MTDH: variants seen among roughly 807,000 people sequenced by gnomAD.
The protein encoded by MTDH is metadherin.
Under a neutral mutation model 72.7 loss-of-function variants are expected in MTDH, and 34 were observed. The observed-to-expected ratio is 0.47, with a 90% CI of 0.36 to 0.62. MTDH has a LOEUF of 0.62. Among genes scored for constraint, MTDH ranks in the 20% least tolerant of loss-of-function variants. The pLI is 0.00. For missense variants in MTDH, 677 were observed against 699.4 expected (o/e 0.97, Z 0.36); for synonymous variants, 266 against 268.9 (o/e 0.99, Z 0.10).
At chr8:97,687,337 T>G in intron 3 of MTDH, 92 bp from the exon 4 acceptor site, 1 of 1,044,586 alleles carries the variant, frequency 9.6e-7, no homozygotes, top group Non-Finnish European at 1.3e-6. Flanking sequence ...TATCATGATA[T>G]TTTATGTGCT....
In MTDH at chr8:97,699,826, A is replaced by G. The variant is rs769510037; in HGVS notation, c.1121A>G (p.Tyr374Cys). The G allele has an allele frequency of 5.0e-6, 8 of 1,612,170 alleles. No homozygotes were observed. The highest frequency in any genetic ancestry group is 1.1e-5 in the South Asian group (1 of 91,012). Residue 374 changes from tyrosine (Y) to cysteine (C), a missense_variant, in exon 7 of 12, where the codon TAT (tyrosine) becomes TGT (cysteine). Physicochemically the swap from Tyr to Cys is radical, Grantham distance 194 (BLOSUM62 -2). Around this residue, in one of 3 missense-constraint regions of MTDH, gnomAD observed 467 missense variants for 469.1 expected, o/e 1.00. Coordinates refer to ENST00000336273, the MANE Select transcript of MTDH (RefSeq NM_178812.4). ...YQWDVSRNQP[Y>C]IDDEWSGLNG... is the part of the protein sequence containing the mutation. ...TGGGATGTTAGCCGTAATCAACCCTATATCGATGATGAATGGTCTGGGTTA... is the reference window on the plus strand; with the variant it reads ...TGGGATGTTAGCCGTAATCAACCCTGTATCGATGATGAATGGTCTGGGTTA...
At chr8:97,713,829 T>G (rs1814734623) in intron 9 of MTDH, 60 bp downstream of exon 9, 4 of 934,946 alleles carry the variant, frequency 4.3e-6, no homozygotes, top group Middle Eastern at 4.6e-4. Context: ...GTGAAAAGAT[T>G]ATGTACAGAT....
rs1815284862 is a variant in MTDH at position 97,724,622 on chromosome 8, A to G, written c.1701A>G (p.Glu567=). Residue 567 remains glutamate, a synonymous_variant, in exon 12 of 12, where the codon GAA becomes GAG. Transcript: ENST00000336273. ...PSQTKSETSW[E]SPKQIKKKKK... is the part of the protein sequence containing the mutation. ...TAGCCAAGTCTGAAACTAGCTGGGA[A>G]TCTCCCAAACAAATAAAAAAGAAGA... 6.3e-7 allele frequency: 1 copy of G among 1,591,648 alleles called. No individual in the cohort carries two copies. Among genetic ancestry groups the G allele is most frequent in the Non-Finnish European group, 8.5e-7 (1 of 1,175,026 alleles).
chr8:97,696,181 A>T, intron 6 of MTDH: 1 of 928,370 alleles, frequency 1.1e-6, no homozygotes, highest in Non-Finnish European at 1.3e-6. Context: ...GAAGGTTCCA[A>T]GTGATGTTTT....
intron 2 of MTDH, among the ~76,000 whole-genome samples, chr8:97,665,426 C>G (rs182537075): frequency 1.3e-4 from 20 of 152,124 alleles, no homozygotes; most frequent in Admixed American, 1.2e-3. Flanking sequence ...CTAATAGATG[C>G]TAAAGATAAT....
Position 97,686,661 on chromosome 8 carries a change from CT to C in MTDH, c.484-4del. 6.5e-7 allele frequency: 1 copy of C among 1,532,270 alleles called. No individual in the cohort carries two copies. The highest frequency in any genetic ancestry group is 8.8e-7 in the Non-Finnish European group (1 of 1,134,508). 94.9% of individuals were successfully genotyped at this position (1,532,270 alleles called of 1,614,324 possible). A position where few individuals can be genotyped will look rare whatever the true frequency, so the allele number is the denominator to read the frequency against. On this transcript the variant is annotated splice_region_variant and splice_polypyrimidine_tract_variant and intron_variant, in intron 2 of 11. Coordinates refer to ENST00000336273, the MANE Select transcript of MTDH (RefSeq NM_178812.4). ...AAATATTAAGTAACATTCTATTTTACTTTCAGTCAAAGAAAAATAAGAAGAA... is the reference window on the plus strand; with the variant it reads ...AAATATTAAGTAACATTCTATTTTACTTCAGTCAAAGAAAAATAAGAAGAA...
intron 9 of MTDH, among the ~76,000 whole-genome samples, chr8:97,718,496 T>C (rs55976360): frequency 0.046 from 6,671 of 146,192 alleles, 207 homozygotes; most frequent in Non-Finnish European, 0.067. Flanking sequence ...TTTTTGTGGG[T>C]TTTTTTTTGT....
chr8:97,675,558 T>A (rs111896348), intron 2 of MTDH, among the ~76,000 whole-genome samples: 20,434 of 94,000 alleles, frequency 0.22, 1,690 homozygotes, highest in East Asian at 0.38. Flanking sequence ...AGACTCTGTC[T>A]CAAAAAAAAA....
chr8:97,646,986 A>G (rs1398239602), intron 1 of MTDH, among the ~76,000 whole-genome samples: 2 of 152,218 alleles, frequency 1.3e-5, no homozygotes, highest in African/African-American at 4.8e-5. Context: ...TTTAATGTTC[A>G]TGACCCACTA....
At chr8:97,698,357 GA>G (rs1297057625) in intron 6 of MTDH, among the ~76,000 whole-genome samples, 2 of 152,144 alleles carry the variant, frequency 1.3e-5, no homozygotes, top group Non-Finnish European at 2.9e-5. Context: ...ATCCTAAAGT[GA>G]ATTTATATCT....
In MTDH at chr8:97,644,209, G is replaced by C; in HGVS notation, c.-298G>C. The C allele has an allele frequency of 4.6e-6, 2 of 434,954 alleles. No individual in the cohort carries two copies. The highest frequency in any genetic ancestry group is 8.1e-6 in the Non-Finnish European group (2 of 246,694). The allele number at this position is 434,954 out of a possible 1,614,324, so 26.9% of individuals were successfully genotyped here. A position where few individuals can be genotyped will look rare whatever the true frequency, so the allele number is the denominator to read the frequency against. On this transcript the variant is annotated 5_prime_UTR_variant, in exon 1 of 12. Transcript: ENST00000336273. ...AAGCCGCCATTGTTCCGCCGAGGGA[G>C]GACAGCGGGGCCTGGCGCTGGCGCC...
chr8:97,654,262 A>G (rs1042913076), intron 1 of MTDH, among the ~76,000 whole-genome samples: 3 of 152,246 alleles, frequency 2.0e-5, no homozygotes, highest in African/African-American at 7.2e-5. Flanking sequence ...GTCTAAAGCT[A>G]TGGTTTATGT....
intron 2 of MTDH, among the ~76,000 whole-genome samples, chr8:97,675,747 C>T (rs544444503): frequency 7.8e-4 from 118 of 151,588 alleles, no homozygotes; most frequent in Admixed American, 6.1e-3. Flanking sequence ...TAGCGTATGC[C>T]TGTAGTCCCA....
intron 7 of MTDH, among the ~76,000 whole-genome samples, chr8:97,703,007 G>T (rs907403735): frequency 6.6e-5 from 10 of 152,200 alleles, no homozygotes; most frequent in African/African-American, 2.4e-4. Context: ...ACTATACTGT[G>T]AATCATTTTT....
Position 97,644,371 on chromosome 8 carries a change from G to A in MTDH, c.-136G>A. On this transcript the variant is annotated 5_prime_UTR_variant, in exon 1 of 12. Transcript: ENST00000336273. ...CCCGCGGTGGCAGCGGCCGATCCCCGGCTCCGGCGCGAGGGACGGCCGCGA... is the reference window on the plus strand; with the variant it reads ...CCCGCGGTGGCAGCGGCCGATCCCCAGCTCCGGCGCGAGGGACGGCCGCGA... 8.0e-7 allele frequency: 1 copy of A among 1,245,244 alleles called. No homozygotes were observed. Among genetic ancestry groups the A allele is most frequent in the East Asian group, 3.0e-5 (1 of 32,990 alleles). The allele number at this position is 1,245,244 out of a possible 1,614,324, so 77.1% of individuals were successfully genotyped here. A position where few individuals can be genotyped will look rare whatever the true frequency, so the allele number is the denominator to read the frequency against.
intron 6 of MTDH, among the ~76,000 whole-genome samples, chr8:97,695,650 CTT>C (rs1391580612): frequency 3.9e-5 from 6 of 152,086 alleles, no homozygotes; most frequent in African/African-American, 1.4e-4. Flanking sequence ...TAAGAAATGT[CTT>C]GAAAATATTG....
chr8:97,711,617 G>A (rs571002390), intron 8 of MTDH, among the ~76,000 whole-genome samples: 4 of 152,112 alleles, frequency 2.6e-5, no homozygotes, highest in South Asian at 2.1e-4. Context: ...CATCCCCACC[G>A]CTCCCCACCT....
chr8:97,709,065 C>T (rs575345790), intron 8 of MTDH, among the ~76,000 whole-genome samples: 1 of 152,058 alleles, frequency 6.6e-6, no homozygotes, highest in South Asian at 2.1e-4. Flanking sequence ...GTGGCGGGCA[C>T]CTGTAATCCC....
At chr8:97,672,739 G>A (rs1296747383) in intron 2 of MTDH, among the ~76,000 whole-genome samples, 1 of 152,178 alleles carries the variant, frequency 6.6e-6, no homozygotes. Flanking sequence ...TGGCGAGAAT[G>A]GGATCTCATA....
Sources: gnomAD v4.1 joint callset for allele counts (sites outside exome capture counted in the v4.1 genomes callset) on GRCh38, gnomAD v4.1.1 for gene constraint, gnomAD v4.1.1 regional missense constraint, MANE v1.5 for transcripts, NCBI Gene and HGNC (gene_info 2026-07-23, HGNC 2026-07-21) for gene names.